KDM2B: variants seen among roughly 807,000 people sequenced by gnomAD.
The protein encoded by KDM2B is lysine-specific demethylase 2B.
A neutral mutation model predicts 150.0 loss-of-function variants in KDM2B; 26 were observed. That is an observed-to-expected ratio of 0.17 (90% confidence interval 0.13 to 0.24). The LOEUF (loss-of-function observed/expected upper bound fraction) is 0.24. Among genes scored for constraint, KDM2B ranks in the 10% least tolerant of loss-of-function variants. KDM2B has a pLI of 1.00. For missense variants in KDM2B, 1,265 were observed against 1,816.9 expected, an observed-to-expected ratio of 0.70 and a Z score of 5.52; for synonymous variants, 734 against 729.5, an observed-to-expected ratio of 1.01 and a Z score of -0.10.
chr12:121,549,066 G>C lies in KDM2B; in HGVS notation c.577-83C>G. 1 of 1,141,606 alleles carries C rather than the reference G, an allele frequency of 8.8e-7. No individual in the cohort carries two copies. 70.7% of individuals were successfully genotyped at this position (1,141,606 alleles called of 1,614,324 possible). A position where few individuals can be genotyped will look rare whatever the true frequency, so the allele number is the denominator to read the frequency against. On this transcript the variant is annotated intron_variant, in intron 5 of 22. Coordinates refer to ENST00000377071, the MANE Select transcript of KDM2B (RefSeq NM_032590.5). The surrounding 1 kb of genome is among the most constrained non-coding windows in gnomAD (Gnocchi z 4.4). Reference sequence around the variant, plus strand: ...ACCCCTTTCCCCGGAGAGTCCTTGGGCCCCCCCGCTCCCCCAATCTACTGT... The same window carrying C: ...ACCCCTTTCCCCGGAGAGTCCTTGGCCCCCCCCGCTCCCCCAATCTACTGT...
chr12:121,578,437 G>T (rs1367358318), intron 2 of KDM2B, among the ~76,000 whole-genome samples: 1 of 152,196 alleles, frequency 6.6e-6, no homozygotes, highest in Non-Finnish European at 1.5e-5. Context: ...CCAGCCAGGC[G>T]GCGGCACCTC....
the KDM2B span, among the ~76,000 whole-genome samples, chr12:121,412,230 CTTTTTTTTTTTTTT>C: frequency 3.2e-4 from 16 of 49,648 alleles, no homozygotes; most frequent in African/African-American, 9.5e-4. Flanking sequence ...CCCAACTAAT[CTTTTTTTTTTTTTT>C]TTTTTTTTTT....
At chr12:121,439,537 C>T (rs573289434) in intron 22 of KDM2B, among the ~76,000 whole-genome samples, 2 of 151,918 alleles carry the variant, frequency 1.3e-5, no homozygotes, top group East Asian at 1.9e-4. Context: ...CGGCCACCAA[C>T]CCCCGGCTAA....
At chr12:121,419,432 A>C in the KDM2B span, among the ~76,000 whole-genome samples, 2 of 152,244 alleles carry the variant, frequency 1.3e-5, no homozygotes, top group Admixed American at 1.3e-4. Context: ...AGTCCAAGCC[A>C]GGAGTTTTAT....
intron 8 of KDM2B, among the ~76,000 whole-genome samples, chr12:121,530,276 T>A (rs971448045): frequency 6.6e-6 from 1 of 151,324 alleles, no homozygotes; most frequent in Admixed American, 6.6e-5. Flanking sequence ...TGGACCCCAG[T>A]CTCTGGTCCT....
rs1352749288 is a variant in KDM2B at position 121,520,470 on chromosome 12, C to G, written c.1047+515G>C. ...GGAAACTAGAGACGTCCTCAGCAGACATGGAGACTACCTCAGAGACAGTAC... is the reference window on the plus strand; with the variant it reads ...GGAAACTAGAGACGTCCTCAGCAGAGATGGAGACTACCTCAGAGACAGTAC... On this transcript the variant is annotated intron_variant, in intron 9 of 22. Coordinates refer to ENST00000377071, the MANE Select transcript of KDM2B (RefSeq NM_032590.5). This position sits in a 1 kb window ranked among gnomAD's most constrained non-coding sequence, Gnocchi z 4.5. Among the ~76,000 whole-genome samples the G allele has an allele frequency of 2.0e-5, 3 of 152,166 alleles. No individual in the cohort carries two copies. Among genetic ancestry groups the G allele is most frequent in the Non-Finnish European group, 4.4e-5 (3 of 68,038 alleles).
At position 121,454,004 on chromosome 12, in the gene KDM2B, C is replaced by G. The variant is rs894309194; in HGVS notation, c.1735-660G>C. On this transcript the variant is annotated intron_variant, in intron 12 of 22. Coordinates refer to ENST00000377071, the MANE Select transcript of KDM2B (RefSeq NM_032590.5). Reference sequence around the variant, plus strand: ...GCCACACAATCGGTCTCTGTTCCCCCAGCCCGGAAGGCCAACCCCACCCCC... The same window carrying G: ...GCCACACAATCGGTCTCTGTTCCCCGAGCCCGGAAGGCCAACCCCACCCCC... 5.9e-5 allele frequency among the ~76,000 whole-genome samples: 9 copies of G among 152,316 alleles called. No individual in the cohort carries two copies. The East Asian group carries it at 1.7e-3, about 29-fold the overall frequency.
chr12:121,443,013 T>C lies in KDM2B; in HGVS notation c.2583A>G (p.Glu861=). ...YFQQQLKPGK[E]DKLFRKKRRS... is the part of the protein sequence containing the mutation. The stretch of plus-strand genomic sequence containing the variant: ...GTACCTTTTTCCTGAAAAGCTTATC[T>C]TCTTTGCCAGGTTTGAGCTGTCACG... Residue 861 remains glutamate (E), a synonymous_variant, in exon 18 of 23, where the codon GAA becomes GAG. Coordinates refer to ENST00000377071, the MANE Select transcript of KDM2B (RefSeq NM_032590.5). 6.2e-7 allele frequency: 1 copy of C among 1,613,310 alleles called. No individual in the cohort carries two copies. Among genetic ancestry groups the C allele is most frequent in the Non-Finnish European group, 8.5e-7 (1 of 1,179,680 alleles).
At chr12:121,455,097 C>A (rs1305767692) in intron 12 of KDM2B, among the ~76,000 whole-genome samples, 1 of 152,186 alleles carries the variant, frequency 6.6e-6, no homozygotes, top group East Asian at 1.9e-4. Context: ...CCCCTCCCTC[C>A]GATTCACCTT....
chr12:121,453,648 C>A lies in KDM2B; in HGVS notation c.1735-304G>T, dbSNP rs1192694201. 6.6e-6 allele frequency among the ~76,000 whole-genome samples: 1 copy of A among 152,156 alleles called. No individual in the cohort carries two copies. Among genetic ancestry groups the A allele is most frequent in the Non-Finnish European group, 1.5e-5 (1 of 68,024 alleles). The stretch of plus-strand genomic sequence containing the variant: ...TGTGAAGACACAGGCCTTCCACAGA[C>A]TGGAGCCCTGTCTACAAGCCAAGAA... On this transcript the variant is annotated intron_variant, in intron 12 of 22. Transcript: ENST00000377071. This position sits in a 1 kb window ranked among gnomAD's most constrained non-coding sequence, Gnocchi z 6.4.
At chr12:121,441,889 T>C (rs1875155385) in intron 19 of KDM2B, among the ~76,000 whole-genome samples, 1 of 152,200 alleles carries the variant, frequency 6.6e-6, no homozygotes, top group African/African-American at 2.4e-5. Context: ...ACTCGCAGCC[T>C]TGCTGGAAAC....
intron 2 of KDM2B, among the ~76,000 whole-genome samples, chr12:121,576,145 G>A (rs1891477666): frequency 6.6e-6 from 1 of 152,150 alleles, no homozygotes; most frequent in African/African-American, 2.4e-5. Context: ...GGCCAGCGAG[G>A]GTTGGGGAGG....
chr12:121,463,187 C>T (rs1879348717), intron 12 of KDM2B, among the ~76,000 whole-genome samples: 1 of 152,082 alleles, frequency 6.6e-6, no homozygotes, highest in Non-Finnish European at 1.5e-5. Flanking sequence ...TGGTGGCGCA[C>T]ACCTGTAGTC....
chr12:121,425,317 A>AG (rs2137250534), downstream of KDM2B, among the ~76,000 whole-genome samples: 1 of 152,170 alleles, frequency 6.6e-6, no homozygotes, highest in East Asian at 1.9e-4. Context: ...AAAAAAAAAA[A>AG]AAAAAAAAGA....
Position 121,536,115 on chromosome 12 carries a change from C to G in KDM2B, c.684-1525G>C, listed in dbSNP as rs889259717. The G allele has an allele frequency of 4.1e-6, 4 of 985,438 alleles. No homozygotes were observed. In the African/African-American group the frequency reaches 5.2e-5, roughly 13 times the overall value. 61.0% of individuals were successfully genotyped at this position (985,438 alleles called of 1,614,324 possible). A position where few individuals can be genotyped will look rare whatever the true frequency, so the allele number is the denominator to read the frequency against. On this transcript the variant is annotated intron_variant, in intron 6 of 22. Transcript: ENST00000377071. ...GGGAGGAGCCAGCAGCGCGCCGGCA[C>G]GAGTGGAGATAATGCGGGGAGTGGG...
intron 12 of KDM2B, among the ~76,000 whole-genome samples, chr12:121,492,319 A>G (rs1555300091): frequency 6.6e-6 from 1 of 152,108 alleles, no homozygotes; most frequent in African/African-American, 2.4e-5. Context: ...TACAGTTGCC[A>G]GATTTAGCAA....
At chr12:121,544,257 A>G (rs4981013) in intron 6 of KDM2B, among the ~76,000 whole-genome samples, 103,042 of 151,964 alleles carry the variant, frequency 0.68, 36,746 homozygotes, top group African/African-American at 0.9. Flanking sequence ...ACTGTGCACT[A>G]CACTGCAGCC....
the KDM2B span, chr12:121,417,802 T>C: frequency 6.2e-7 from 1 of 1,614,206 alleles, no homozygotes; most frequent in Non-Finnish European, 8.5e-7. This position sits in a 1 kb window ranked among gnomAD's most constrained non-coding sequence, Gnocchi z 5.0. Context: ...TCTAGCTTTT[T>C]TACACGTTCG....
At chr12:121,437,426 G>T (rs1264117349) in intron 22 of KDM2B, among the ~76,000 whole-genome samples, 2 of 152,072 alleles carry the variant, frequency 1.3e-5, no homozygotes, top group Admixed American at 1.3e-4. Context: ...AAAACGGGTG[G>T]GGAGTGGGAG....
Sources: allele counts gnomAD v4.1 joint callset (sites outside exome capture counted in the v4.1 genomes callset), GRCh38; gene constraint gnomAD v4.1.1; non-coding constraint Gnocchi (gnomAD v3.1); transcripts MANE v1.5; gene names NCBI Gene and HGNC (gene_info 2026-07-23, HGNC 2026-07-21).